PLCB4: variants seen among roughly 807,000 people sequenced by gnomAD.
The protein encoded by PLCB4 is 1-phosphatidylinositol 4,5-bisphosphate phosphodiesterase beta-4.
PLCB4 carries 77 observed loss-of-function variants against 178.8 expected under a neutral mutation model. That is an observed-to-expected ratio of 0.43 (90% CI 0.36 to 0.52). The LOEUF is 0.52. PLCB4 is among the 20% of genes least tolerant of loss of function. PLCB4 has a pLI of 0.00. For missense variants in PLCB4, 1,024 were observed against 1,453.4 expected, an observed-to-expected ratio of 0.70 and a Z score of 4.80; for synonymous variants, 496 against 490.8, an observed-to-expected ratio of 1.01 and a Z score of -0.14.
At chr20:9,450,980 C>G (rs2042735155) in intron 32 of PLCB4, among the ~76,000 whole-genome samples, 2 of 152,020 alleles carry the variant, frequency 1.3e-5, no homozygotes, top group African/African-American at 2.4e-5. Flanking sequence ...GACATTGAGG[C>G]CTGGGAAGAT....
At chr20:9,361,486 G>A (rs950278740) in intron 7 of PLCB4, among the ~76,000 whole-genome samples, 6 of 152,150 alleles carry the variant, frequency 3.9e-5, no homozygotes, top group African/African-American at 1.4e-4. Flanking sequence ...CTGGGAGGAG[G>A]GGGAGATGGG....
chr20:9,255,638 T>C (rs946254776), intron 3 of PLCB4, among the ~76,000 whole-genome samples: 2 of 152,056 alleles, frequency 1.3e-5, no homozygotes, highest in Non-Finnish European at 2.9e-5. Context: ...AGCCATAGAT[T>C]TCACTCCATA....
Position 9,373,056 on chromosome 20 carries a change from C to A in PLCB4, c.696C>A (p.Asp232Glu). The change falls in exon 12 of 40, where the codon GAC becomes GAA. Residue 232 changes from aspartate to glutamate, a missense_variant. Asp to Glu is a conservative substitution (Grantham distance 45, BLOSUM62 2). Transcript: ENST00000378473. ...IEDLFKKING[D>E]KTDYLTVDQL... The stretch of plus-strand genomic sequence containing the variant: ...ATAAATTTCTTTTCAGCAATGGAGA[C>A]AAAACTGATTATTTAACGGTAGACC... 6.6e-7 allele frequency: 1 copy of A among 1,509,692 alleles called. No individual in the cohort carries two copies. Among genetic ancestry groups the A allele is most frequent in the Non-Finnish European group, 9.2e-7 (1 of 1,087,186 alleles). 93.5% of individuals were successfully genotyped at this position (1,509,692 alleles called of 1,614,324 possible).
At position 9,426,326 on chromosome 20, in the gene PLCB4, A is replaced by C. The variant is rs2041005151; in HGVS notation, c.2524+2374A>C. Among the ~76,000 whole-genome samples the C allele has an allele frequency of 2.0e-5, 3 of 152,174 alleles. No individual in the cohort carries two copies. In the South Asian group the frequency reaches 6.2e-4, roughly 32 times the overall value. ...AGGATCAAATGAGGGTCACTCACAAATCTGCTGCCCAGAGACAGCTATTGT... is the reference window on the plus strand; with the variant it reads ...AGGATCAAATGAGGGTCACTCACAACTCTGCTGCCCAGAGACAGCTATTGT... On this transcript the variant is annotated intron_variant, in intron 28 of 39. Coordinates refer to ENST00000378473, the MANE Select transcript of PLCB4 (RefSeq NM_001377142.1).
intron 21 of PLCB4, among the ~76,000 whole-genome samples, chr20:9,407,311 T>A (rs1403655639): frequency 2.0e-5 from 3 of 152,190 alleles, no homozygotes; most frequent in Non-Finnish European, 4.4e-5. Context: ...TGCCTCAATT[T>A]GTAAAAATAT....
chr20:9,113,852 T>C (rs1241508091), intron 2 of PLCB4, among the ~76,000 whole-genome samples: 3 of 152,096 alleles, frequency 2.0e-5, no homozygotes, highest in Admixed American at 2.0e-4. Context: ...ATATACCTAG[T>C]GTTGTGTTGC....
chr20:9,400,199 C>T (rs2038922325), intron 19 of PLCB4, among the ~76,000 whole-genome samples: 1 of 152,018 alleles, frequency 6.6e-6, no homozygotes, highest in Non-Finnish European at 1.5e-5. Context: ...CTGTTTCTTT[C>T]CCTCACCCTC....
chr20:9,080,244 T>C (rs1156510180), intron 1 of PLCB4, among the ~76,000 whole-genome samples: 8 of 152,174 alleles, frequency 5.3e-5, no homozygotes, highest in African/African-American at 1.9e-4. Context: ...CTTGGCCCTG[T>C]TGCTTGAAAG....
intron 3 of PLCB4, among the ~76,000 whole-genome samples, chr20:9,245,388 G>T (rs908693921): frequency 5.9e-5 from 9 of 152,268 alleles, no homozygotes; most frequent in African/African-American, 1.9e-4. Flanking sequence ...TGGAATCTGT[G>T]AATGTTACCT....
intron 2 of PLCB4, among the ~76,000 whole-genome samples, chr20:9,104,496 G>C (rs1197754444): frequency 6.6e-6 from 1 of 152,074 alleles, no homozygotes; most frequent in Non-Finnish European, 1.5e-5. Flanking sequence ...CTCTGCCTCA[G>C]TCCTTCTCAC....
chr20:9,101,306 C>A (rs376569617), intron 2 of PLCB4, among the ~76,000 whole-genome samples: 4 of 152,206 alleles, frequency 2.6e-5, no homozygotes, highest in East Asian at 3.9e-4. Flanking sequence ...TGGTTAGATT[C>A]AGATGACTGG....
At chr20:9,390,679 G>T (rs1288434141) in intron 17 of PLCB4, 64 bp downstream of exon 17, 6 of 795,738 alleles carry the variant, frequency 7.5e-6, no homozygotes, top group Non-Finnish European at 1.3e-5. Context: ...TTTCTGAAGG[G>T]TCAAGTAGTA....
chr20:9,394,514 C>A (rs147316444), intron 18 of PLCB4, among the ~76,000 whole-genome samples: 2 of 152,072 alleles, frequency 1.3e-5, no homozygotes, highest in Middle Eastern at 3.2e-3. Flanking sequence ...AGTATACTTA[C>A]ATCAGCAGGA....
intron 3 of PLCB4, among the ~76,000 whole-genome samples, chr20:9,261,287 G>A (rs779363997): frequency 6.6e-6 from 1 of 151,768 alleles, no homozygotes; most frequent in Non-Finnish European, 1.5e-5. Context: ...TCATATATGT[G>A]CGTGTGCATT....
rs570324436 is a variant in PLCB4 at position 9,069,864 on chromosome 20, G to T, written c.-135+658G>T. Among the ~76,000 whole-genome samples, 37 of 152,264 alleles carry T rather than the reference G, an allele frequency of 2.4e-4. 1 individual carries two copies. The highest frequency in any genetic ancestry group is 8.7e-4 in the African/African-American group (36 of 41,552). On this transcript the variant is annotated intron_variant, in intron 1 of 39. Transcript: ENST00000378473. ...GAATCATAAAACTAGCATTTTCCTA[G>T]AGAGAAATACAACTGCCCACTATAG...
At chr20:9,206,318 T>C (rs1320915911) in intron 2 of PLCB4, among the ~76,000 whole-genome samples, 1 of 146,298 alleles carries the variant, frequency 6.8e-6, no homozygotes, top group South Asian at 2.1e-4. Context: ...TTTTTTTTTT[T>C]TTTTGGTCAG....
At chr20:9,241,384 A>G (rs2094058978) in intron 3 of PLCB4, among the ~76,000 whole-genome samples, 1 of 121,942 alleles carries the variant, frequency 8.2e-6, no homozygotes, top group African/African-American at 4.0e-5. Flanking sequence ...AGAGGCATGC[A>G]TGCATACACA....
chr20:9,405,100 C>T (rs778791737), intron 20 of PLCB4, among the ~76,000 whole-genome samples: 7 of 152,128 alleles, frequency 4.6e-5, no homozygotes, highest in Admixed American at 6.5e-5. Context: ...AGACTGTCCA[C>T]GAAGGAGGGA....
chr20:9,391,044 C>T (rs2038098243), intron 17 of PLCB4, among the ~76,000 whole-genome samples: 2 of 152,244 alleles, frequency 1.3e-5, no homozygotes, highest in South Asian at 4.2e-4. Flanking sequence ...GTATATGCAC[C>T]CGGTATTCAG....
Sources: allele counts gnomAD v4.1 joint callset (sites outside exome capture counted in the v4.1 genomes callset), GRCh38; gene constraint gnomAD v4.1.1; transcripts MANE v1.5; gene names NCBI Gene and HGNC (gene_info 2026-07-23, HGNC 2026-07-21).